The following GABRB2 variants were observed in gnomAD, a reference collection of about 807,000 sequenced individuals.
GABRB2 encodes the protein gamma-aminobutyric acid type A receptor subunit beta2, also known as gamma-aminobutyric acid receptor subunit beta-2.
Under a neutral mutation model 54.7 loss-of-function variants are expected in GABRB2, and 16 were observed. That is an observed-to-expected ratio of 0.29 (90% confidence interval 0.20 to 0.44). The LOEUF (loss-of-function observed/expected upper bound fraction) is 0.44. Ranked by LOEUF, GABRB2 falls within the 20% of genes least tolerant of loss-of-function variation. The pLI is 1.00. For missense variants in GABRB2, 355 were observed against 644.0 expected (o/e 0.55, Z 4.86); for synonymous variants, 244 against 233.8 (o/e 1.04, Z -0.40).
chr5:161,336,694 T>A lies in GABRB2; in HGVS notation c.617A>T (p.Glu206Val). The A allele has an allele frequency of 6.2e-7, 1 of 1,613,434 alleles. No homozygotes were observed. Among genetic ancestry groups the A allele is most frequent in the Non-Finnish European group, 8.5e-7 (1 of 1,179,698 alleles). Residue 206 changes from glutamate (E) to valine (V), a missense_variant, in exon 6 of 10, where the codon GAA becomes GTA. Physicochemically the swap from Glu to Val is moderately radical, Grantham distance 121. This residue lies in a region of GABRB2 where 30 missense variants were observed against 33.7 expected (regional missense o/e 0.89). Coordinates refer to ENST00000393959, the MANE Select transcript of GABRB2 (RefSeq NM_001371727.1). Reference protein sequence around the residue: ...DNAVTGVTKIELPQFSIVDYK... With the variant: ...DNAVTGVTKIVLPQFSIVDYK... ...ATCTACAATAGAGAACTGTGGAAGT[T>A]CAATTTTCGTTACTCCTGTTACTGC...
intron 4 of GABRB2, among the ~76,000 whole-genome samples, chr5:161,431,900 C>A (rs1180357772): frequency 2.0e-5 from 3 of 152,146 alleles, no homozygotes; most frequent in African/African-American, 7.2e-5. Context: ...ATTTATAGAA[C>A]AAGTATTCAT....
intron 3 of GABRB2, among the ~76,000 whole-genome samples, chr5:161,466,819 C>A (rs541122785): frequency 6.6e-6 from 1 of 152,114 alleles, no homozygotes; most frequent in East Asian, 1.9e-4. Flanking sequence ...TTCCAATATG[C>A]ATTTTTTTCT....
chr5:161,392,101 G>A (rs2113040956), intron 5 of GABRB2, among the ~76,000 whole-genome samples: 1 of 152,252 alleles, frequency 6.6e-6, no homozygotes, highest in Admixed American at 6.5e-5. Context: ...GTATTAATGT[G>A]AGGCCCTTCT....
rs1757304799 is a variant in GABRB2, at chr5:161,293,994, GA to G, written c.*86del. 9.8e-7 allele frequency: 1 copy of G among 1,018,422 alleles called. No individual in the cohort carries two copies. Among genetic ancestry groups the G allele is most frequent in the Non-Finnish European group, 1.5e-6 (1 of 680,044 alleles). The allele number at this position is 1,018,422 out of a possible 1,614,324, so 63.1% of individuals were successfully genotyped here. On this transcript the variant is annotated 3_prime_UTR_variant, in exon 10 of 10. Coordinates refer to ENST00000393959, the MANE Select transcript of GABRB2 (RefSeq NM_001371727.1). ...GTATTTTAGCGTCACTTTTGTCCTGGATTGATGTGTTTTCCAAGTCCTACAT... is the reference window on the plus strand; with the variant it reads ...GTATTTTAGCGTCACTTTTGTCCTGGTTGATGTGTTTTCCAAGTCCTACAT...
chr5:161,491,338 C>A (rs985392644), intron 3 of GABRB2, among the ~76,000 whole-genome samples: 1 of 151,630 alleles, frequency 6.6e-6, no homozygotes, highest in Non-Finnish European at 1.5e-5. Flanking sequence ...CTTAATGGCA[C>A]TTACCATTAG....
At chr5:161,509,055 G>C (rs1303925678) in intron 3 of GABRB2, among the ~76,000 whole-genome samples, 1 of 151,758 alleles carries the variant, frequency 6.6e-6, no homozygotes, top group Non-Finnish European at 1.5e-5. Flanking sequence ...ATAAAGAAAT[G>C]AGGCAACACT....
intron 3 of GABRB2, among the ~76,000 whole-genome samples, chr5:161,541,500 C>A (rs908187914): frequency 6.6e-6 from 1 of 152,196 alleles, no homozygotes; most frequent in Non-Finnish European, 1.5e-5. Flanking sequence ...TGCAGAATAG[C>A]CAGCCATCTT....
intron 5 of GABRB2, among the ~76,000 whole-genome samples, chr5:161,399,498 T>C (rs926492144): frequency 3.3e-5 from 5 of 152,198 alleles, no homozygotes; most frequent in Non-Finnish European, 5.9e-5. Flanking sequence ...GGTTTCCATC[T>C]AGCAGCTAGA....
intron 5 of GABRB2, among the ~76,000 whole-genome samples, chr5:161,399,535 C>T (rs1756117166): frequency 6.6e-6 from 1 of 152,148 alleles, no homozygotes; most frequent in South Asian, 2.1e-4. Context: ...TAAGCAGGTG[C>T]TCCCAATATA....
intron 3 of GABRB2, among the ~76,000 whole-genome samples, chr5:161,470,225 A>G (rs1450283752): frequency 3.3e-5 from 5 of 151,774 alleles, no homozygotes; most frequent in Admixed American, 2.6e-4. Context: ...TAAGCCGAAC[A>G]CTACTGAATT....
intron 5 of GABRB2, among the ~76,000 whole-genome samples, chr5:161,370,703 T>C (rs749424208): frequency 6.6e-6 from 1 of 152,160 alleles, no homozygotes; most frequent in African/African-American, 2.4e-5. Context: ...TTTAATAGTC[T>C]AGATACTTCA....
rs536449272 is a variant in GABRB2 at position 161,352,219 on chromosome 5, T to C, written c.542-15450A>G. ...ACTACTGGGTATATATACAAAGGAA[T>C]TGAAATTAGTATGACAACAAAATAC... On this transcript the variant is annotated intron_variant, in intron 5 of 9. Coordinates refer to ENST00000393959, the MANE Select transcript of GABRB2 (RefSeq NM_001371727.1). Among the ~76,000 whole-genome samples, 160 of 152,096 alleles carry C rather than the reference T, an allele frequency of 1.1e-3. 3 individuals are homozygous for C. The highest frequency in any genetic ancestry group is 3.7e-3 in the African/African-American group (154 of 41,526).
In GABRB2 at chr5:161,336,627, C is replaced by A; in HGVS notation, c.679+5G>T. The A allele has an allele frequency of 6.2e-7, 1 of 1,612,380 alleles. No homozygotes were observed. On this transcript the variant is annotated splice_donor_5th_base_variant and intron_variant, in intron 6 of 9. Coordinates refer to ENST00000393959, the MANE Select transcript of GABRB2 (RefSeq NM_001371727.1). ...TTTCCCTTAACACTTTTCCATGATA[C>A]AAACCTGTGGAAAAAACAACCTTCT...
At chr5:161,395,811 T>C (rs1026541549) in intron 5 of GABRB2, among the ~76,000 whole-genome samples, 6 of 152,212 alleles carry the variant, frequency 3.9e-5, no homozygotes, top group African/African-American at 1.4e-4. Context: ...ATGATTGGGC[T>C]GAAGAGCCAA....
upstream of GABRB2, chr5:161,546,880 A>C: frequency 1.3e-6 from 1 of 784,864 alleles, no homozygotes. Flanking sequence ...AATAATATAG[A>C]AAAGTCACCC....
intron 5 of GABRB2, 107 bp from the exon 6 acceptor site, chr5:161,336,876 A>G: frequency 8.5e-7 from 1 of 1,174,188 alleles, no homozygotes; most frequent in South Asian, 1.6e-5. Flanking sequence ...CTATATAAAT[A>G]ATATAAAGAT....
chr5:161,520,237 G>A (rs576630914), intron 3 of GABRB2, among the ~76,000 whole-genome samples: 28 of 152,230 alleles, frequency 1.8e-4, no homozygotes, highest in African/African-American at 6.5e-4. Flanking sequence ...GTTAAGCGCT[G>A]TAGCTTATAA....
Position 161,345,535 on chromosome 5 carries a change from T to G in GABRB2, c.542-8766A>C, listed in dbSNP as rs373614026. On this transcript the variant is annotated intron_variant, in intron 5 of 9. Coordinates refer to ENST00000393959, the MANE Select transcript of GABRB2 (RefSeq NM_001371727.1). ...CTCTTCAGCAATCCTCAGAACTCCT[T>G]TGACCTCAAGGTTCTGGTTCAAGTT... 2.1e-4 allele frequency among the ~76,000 whole-genome samples: 32 copies of G among 152,238 alleles called. 1 individual carries two copies. In the South Asian group the frequency reaches 6.6e-3, roughly 32 times the overall value.
Position 161,529,575 on chromosome 5 carries a change from T to A in GABRB2, c.237+15652A>T, listed in dbSNP as rs779257660. 2.0e-5 allele frequency among the ~76,000 whole-genome samples: 3 copies of A among 152,080 alleles called. No homozygotes were observed. In the East Asian group the frequency reaches 5.8e-4, roughly 29 times the overall value. On this transcript the variant is annotated intron_variant, in intron 3 of 9. Transcript: ENST00000393959. ...TTTCTCCATTTGTAAAATGTGATAA[T>A]CTTATTTCATAGCTTTTGAGAATGA...
Sources: gnomAD v4.1 joint callset for allele counts (sites outside exome capture counted in the v4.1 genomes callset) on GRCh38, gnomAD v4.1.1 for gene constraint, gnomAD v4.1.1 regional missense constraint, MANE v1.5 for transcripts, NCBI Gene and HGNC (gene_info 2026-07-23, HGNC 2026-07-21) for gene names.